ARHGEF28: variants seen among roughly 807,000 people sequenced by gnomAD.
The protein encoded by ARHGEF28 is Rho guanine nucleotide exchange factor 28.
ARHGEF28 carries 152 observed loss-of-function variants against 206.6 expected under a neutral mutation model. The observed-to-expected ratio is 0.74, with a 90% CI of 0.64 to 0.84. ARHGEF28 has a LOEUF of 0.84. Ranked by LOEUF, ARHGEF28 falls within the 40% of genes least tolerant of loss-of-function variation. ARHGEF28 has a pLI of 0.00. For missense variants in ARHGEF28, 2,028 were observed against 2,073.2 expected, an observed-to-expected ratio of 0.98 and a Z score of 0.42; for synonymous variants, 763 against 776.4, an observed-to-expected ratio of 0.98 and a Z score of 0.29.
intron 14 of ARHGEF28, among the ~76,000 whole-genome samples, chr5:73,854,554 G>A (rs556756910): frequency 3.6e-4 from 55 of 152,270 alleles, no homozygotes; most frequent in Middle Eastern, 3.4e-3. Flanking sequence ...CTTTAGGCCC[G>A]GTGCGGTGGC....
At chr5:73,649,217 G>A (rs533177387) in intron 1 of ARHGEF28, among the ~76,000 whole-genome samples, 1 of 152,290 alleles carries the variant, frequency 6.6e-6, no homozygotes. Context: ...ACATTAGATG[G>A]TCCTGCCTCC....
intron 14 of ARHGEF28, among the ~76,000 whole-genome samples, chr5:73,856,107 C>T (rs894959944): frequency 6.6e-6 from 1 of 151,978 alleles, no homozygotes; most frequent in Admixed American, 6.6e-5. Context: ...GTATTTTTTC[C>T]CCCAATTTTG....
intron 2 of ARHGEF28, among the ~76,000 whole-genome samples, chr5:73,700,598 C>T (rs974551340): frequency 1.3e-5 from 2 of 151,952 alleles, no homozygotes; most frequent in Admixed American, 1.3e-4. Flanking sequence ...AGTAAAGTAT[C>T]GTATATTACA....
intron 10 of ARHGEF28, among the ~76,000 whole-genome samples, chr5:73,839,551 C>T (rs1757859449): frequency 6.6e-6 from 1 of 152,146 alleles, no homozygotes; most frequent in Non-Finnish European, 1.5e-5. Context: ...AGAGCAAGTG[C>T]TTTCATCAGC....
At chr5:73,735,740 C>T (rs1750886329) in intron 2 of ARHGEF28, among the ~76,000 whole-genome samples, 1 of 152,216 alleles carries the variant, frequency 6.6e-6, no homozygotes, top group Non-Finnish European at 1.5e-5. Context: ...TCCAAGCCCT[C>T]CATGCGATGG....
At chr5:73,805,470 A>C (rs1355026630) in intron 9 of ARHGEF28, among the ~76,000 whole-genome samples, 1 of 152,214 alleles carries the variant, frequency 6.6e-6, no homozygotes, top group Non-Finnish European at 1.5e-5. Flanking sequence ...GGAGTCTATA[A>C]GAATAAAGGC....
chr5:73,741,826 G>A (rs1423184993), intron 2 of ARHGEF28, among the ~76,000 whole-genome samples: 1 of 151,798 alleles, frequency 6.6e-6, no homozygotes, highest in Non-Finnish European at 1.5e-5. Context: ...TATTTCTTTG[G>A]GTAAGTTATT....
chr5:73,655,514 G>T (rs1425369803), intron 1 of ARHGEF28, among the ~76,000 whole-genome samples: 1 of 152,194 alleles, frequency 6.6e-6, no homozygotes, highest in African/African-American at 2.4e-5. Flanking sequence ...TAAGAAGAGG[G>T]TTAAAATTGC....
chr5:73,803,834 C>A (rs2112502587), intron 9 of ARHGEF28, among the ~76,000 whole-genome samples: 1 of 152,166 alleles, frequency 6.6e-6, no homozygotes, highest in Middle Eastern at 3.4e-3. Context: ...CGCCTGTAAT[C>A]CCAGCACTTT....
chr5:73,688,633 T>C (rs1036968815), intron 2 of ARHGEF28, among the ~76,000 whole-genome samples: 1 of 152,124 alleles, frequency 6.6e-6, no homozygotes, highest in Non-Finnish European at 1.5e-5. Context: ...GTTTTTTTCT[T>C]TTTGGGGAGA....
intron 1 of ARHGEF28, among the ~76,000 whole-genome samples, chr5:73,647,976 T>A (rs1454241352): frequency 1.3e-5 from 2 of 152,236 alleles, no homozygotes; most frequent in Non-Finnish European, 2.9e-5. Context: ...TTTAGTTGAG[T>A]GAATGATTGA....
chr5:73,695,965 C>T (rs1748185008), intron 2 of ARHGEF28, among the ~76,000 whole-genome samples: 1 of 152,180 alleles, frequency 6.6e-6, no homozygotes, highest in African/African-American at 2.4e-5. Flanking sequence ...GTTCCATATC[C>T]AGGAATGCCA....
intron 2 of ARHGEF28, among the ~76,000 whole-genome samples, chr5:73,745,896 T>C (rs752887464): frequency 1.3e-5 from 2 of 152,096 alleles, no homozygotes; most frequent in African/African-American, 4.8e-5. Flanking sequence ...TTTATTCAAA[T>C]TGAGATTTGG....
intron 10 of ARHGEF28, 148 bp from the exon 11 acceptor site, chr5:73,840,332 C>G (rs1454338620): frequency 2.8e-6 from 2 of 709,162 alleles, no homozygotes; most frequent in Non-Finnish European, 4.6e-6. Flanking sequence ...CCAGGCTAGT[C>G]TTGAACTCCT....
At chr5:73,783,975 C>A (rs1754004594) in intron 7 of ARHGEF28, among the ~76,000 whole-genome samples, 1 of 151,970 alleles carries the variant, frequency 6.6e-6, no homozygotes, top group South Asian at 2.1e-4. Context: ...ATTTGTCTAC[C>A]CTTGAAAGAG....
chr5:73,647,794 C>T (rs1026107102), intron 1 of ARHGEF28, among the ~76,000 whole-genome samples: 4 of 152,226 alleles, frequency 2.6e-5, no homozygotes, highest in Non-Finnish European at 5.9e-5. Flanking sequence ...TCTGTCATAT[C>T]TTCTCTTAAT....
chr5:73,868,913 C>T (rs1759888175), intron 20 of ARHGEF28, among the ~76,000 whole-genome samples: 1 of 152,160 alleles, frequency 6.6e-6, no homozygotes, highest in Non-Finnish European at 1.5e-5. Flanking sequence ...TCCCAAAGTG[C>T]CGGGATTACA....
intron 1 of ARHGEF28, among the ~76,000 whole-genome samples, chr5:73,635,713 T>C (rs937985972): frequency 5.9e-5 from 9 of 152,304 alleles, no homozygotes; most frequent in Admixed American, 1.3e-4. Flanking sequence ...AGTGTTGTCT[T>C]TCACGGAGTT....
chr5:73,684,549 T>G lies in ARHGEF28; in HGVS notation c.-11-292T>G, dbSNP rs77528424. ...TGCTATGAACATAGGTATAAAAATT[T>G]CTGTTTGAGTCCCTGCTTTCAATTC... is the stretch of plus-strand genomic sequence containing the variant. On this transcript the variant is annotated intron_variant, in intron 1 of 35. Transcript: ENST00000513042. Among the ~76,000 whole-genome samples the G allele has an allele frequency of 0.026, 3,932 of 152,318 alleles. 172 individuals carry two copies. The highest frequency in any genetic ancestry group is 0.088 in the African/African-American group (3,673 of 41,556).
Sources: allele counts gnomAD v4.1 joint callset (sites outside exome capture counted in the v4.1 genomes callset), GRCh38; gene constraint gnomAD v4.1.1; transcripts MANE v1.5; gene names NCBI Gene and HGNC (gene_info 2026-07-23, HGNC 2026-07-21).